Variants in HS2ST1 observed in about 807,000 individuals in gnomAD.
HS2ST1 encodes the protein 2-O-sulfotransferase.
HS2ST1 carries 18 observed loss-of-function variants against 42.9 expected under a neutral mutation model. The observed-to-expected ratio is 0.42, with a 90% CI of 0.29 to 0.62. HS2ST1 has a LOEUF of 0.62. Among genes scored for constraint, HS2ST1 ranks in the 20% least tolerant of loss-of-function variants. The pLI is 0.21. For synonymous variants in HS2ST1, 146 were observed against 152.9 expected, an observed-to-expected ratio of 0.95 and a Z score of 0.33; for missense variants, 334 against 433.8, an observed-to-expected ratio of 0.77 and a Z score of 2.04.
In HS2ST1 at chr1:86,992,254, T is replaced by C. The variant is rs987156158; in HGVS notation, c.124+77094T>C. ...AAATTGTCTTCCTCAAAACTGGTCC[T>C]GCTGATTTAAGCCTTAAAAAGAGTA... On this transcript the variant is annotated intron_variant, in intron 1 of 6. Transcript: ENST00000370550. 2.0e-5 allele frequency among the ~76,000 whole-genome samples: 3 copies of C among 148,228 alleles called. No individual in the cohort carries two copies. In the East Asian group the frequency reaches 6.1e-4, roughly 30 times the overall value.
At chr1:87,022,424 C>T (rs1557518725) in intron 1 of HS2ST1, among the ~76,000 whole-genome samples, 3 of 152,128 alleles carry the variant, frequency 2.0e-5, no homozygotes. Context: ...ATAAAAAACA[C>T]AGAGCTTGTG....
chr1:86,927,890 A>G (rs1660453836), intron 1 of HS2ST1, among the ~76,000 whole-genome samples: 2 of 152,158 alleles, frequency 1.3e-5, no homozygotes, highest in African/African-American at 4.8e-5. Flanking sequence ...TGGGCTAATC[A>G]AACTAGTTTT....
intron 1 of HS2ST1, among the ~76,000 whole-genome samples, chr1:87,043,239 T>C (rs1023640512): frequency 6.6e-6 from 1 of 152,110 alleles, no homozygotes; most frequent in Admixed American, 6.6e-5. Context: ...AGAGGGGAAA[T>C]AATCTAGATT....
At chr1:87,051,915 G>T (rs1215653246) in intron 1 of HS2ST1, among the ~76,000 whole-genome samples, 1 of 152,126 alleles carries the variant, frequency 6.6e-6, no homozygotes, top group Non-Finnish European at 1.5e-5. Flanking sequence ...AAATTCAACT[G>T]AAAAGCTATA....
chr1:87,063,748 G>A (rs558903804), intron 1 of HS2ST1, among the ~76,000 whole-genome samples: 19 of 152,110 alleles, frequency 1.2e-4, no homozygotes, highest in South Asian at 2.1e-4. Flanking sequence ...AATTTTTATC[G>A]TGGCTGCTTT....
At chr1:86,930,931 T>TTTGGGCA (rs1292069361) in intron 1 of HS2ST1, among the ~76,000 whole-genome samples, 1 of 151,968 alleles carries the variant, frequency 6.6e-6, no homozygotes, top group Non-Finnish European at 1.5e-5. Flanking sequence ...TTTTGGGCAT[T>TTTGGGCA]TATAGTATGT....
chr1:87,025,275 T>C (rs1044122175), intron 1 of HS2ST1, among the ~76,000 whole-genome samples: 2 of 152,212 alleles, frequency 1.3e-5, no homozygotes, highest in Non-Finnish European at 2.9e-5. Flanking sequence ...AGAATTAGTA[T>C]GAAACTTGAA....
At chr1:87,004,014 C>T (rs1291399482) in intron 1 of HS2ST1, among the ~76,000 whole-genome samples, 2 of 145,820 alleles carry the variant, frequency 1.4e-5, no homozygotes, top group Non-Finnish European at 3.0e-5. Context: ...ATAGGATTCT[C>T]AATATGTGGC....
intron 1 of HS2ST1, among the ~76,000 whole-genome samples, chr1:86,972,613 T>C (rs1284975064): frequency 6.6e-6 from 1 of 152,178 alleles, no homozygotes; most frequent in Admixed American, 6.5e-5. Flanking sequence ...ATATGTAGTG[T>C]TCAATATTGT....
At chr1:86,949,256 A>G (rs1159776653) in intron 1 of HS2ST1, among the ~76,000 whole-genome samples, 3 of 152,062 alleles carry the variant, frequency 2.0e-5, no homozygotes, top group African/African-American at 7.2e-5. Context: ...TTACAGGCAC[A>G]TACCACCATG....
chr1:86,992,112 T>C (rs1648969417), intron 1 of HS2ST1, among the ~76,000 whole-genome samples: 1 of 151,970 alleles, frequency 6.6e-6, no homozygotes, highest in Non-Finnish European at 1.5e-5. Context: ...TTCCACTCTT[T>C]AAGAAAATCT....
Position 87,092,629 on chromosome 1 carries a change from A to T in HS2ST1, c.548A>T (p.Tyr183Phe). Reference protein sequence around the residue: ...YYYFLRFGDDYRPGLRRRKQG... With the variant: ...YYYFLRFGDDFRPGLRRRKQG... ...TACTTTCTGAGATTTGGAGATGATT[A>T]TAGACCAGGGTTACGGAGACGAAAA... The change falls in exon 4 of 7, where the codon TAT becomes TTT. Residue 183 changes from tyrosine to phenylalanine, a missense_variant. Tyr to Phe is a conservative substitution (Grantham distance 22, BLOSUM62 3). Transcript: ENST00000370550. 6.3e-7 allele frequency: 1 copy of T among 1,578,724 alleles called. No individual in the cohort carries two copies.
intron 1 of HS2ST1, among the ~76,000 whole-genome samples, chr1:87,021,404 T>C (rs906289581): frequency 2.6e-5 from 4 of 152,234 alleles, no homozygotes; most frequent in Non-Finnish European, 4.4e-5. Context: ...TAAAGAAGTA[T>C]AGCCTTTTAA....
At position 86,998,650 on chromosome 1, in the gene HS2ST1, C is replaced by A. The variant is rs369488979; in HGVS notation, c.125-74284C>A. Among the ~76,000 whole-genome samples the A allele has an allele frequency of 2.7e-4, 41 of 152,242 alleles. No homozygotes were observed. The East Asian group carries it at 7.7e-3, about 29-fold the overall frequency. On this transcript the variant is annotated intron_variant, in intron 1 of 6. Coordinates refer to ENST00000370550, the MANE Select transcript of HS2ST1 (RefSeq NM_012262.4). Reference sequence around the variant, plus strand: ...TTAGGCTTCTGTTTCCATACACACACGTACACATTTAATATGGCTTTCTGA... The same window carrying A: ...TTAGGCTTCTGTTTCCATACACACAAGTACACATTTAATATGGCTTTCTGA...
At chr1:86,989,406 G>T in intron 1 of HS2ST1, among the ~76,000 whole-genome samples, 1 of 152,144 alleles carries the variant, frequency 6.6e-6, no homozygotes, top group East Asian at 1.9e-4. Context: ...TAGTAATTTA[G>T]CCAAAAGATT....
At chr1:86,942,029 A>T (rs184217846) in intron 1 of HS2ST1, among the ~76,000 whole-genome samples, 110 of 152,288 alleles carry the variant, frequency 7.2e-4, no homozygotes, top group African/African-American at 2.3e-3. Flanking sequence ...CTGCATCTGG[A>T]TTGTTTTCAT....
intron 1 of HS2ST1, among the ~76,000 whole-genome samples, chr1:86,984,111 G>C (rs2102223324): frequency 6.6e-6 from 1 of 152,262 alleles, no homozygotes; most frequent in East Asian, 1.9e-4. Context: ...CATTGCATGA[G>C]GCATTAGCAT....
At chr1:87,035,522 A>C (rs1031562382) in intron 1 of HS2ST1, among the ~76,000 whole-genome samples, 4 of 152,168 alleles carry the variant, frequency 2.6e-5, no homozygotes, top group East Asian at 1.9e-4. Context: ...ATGTGTTATC[A>C]TAATAATTTT....
intron 1 of HS2ST1, among the ~76,000 whole-genome samples, chr1:87,001,188 G>A (rs1359855422): frequency 2.6e-5 from 4 of 152,148 alleles, no homozygotes; most frequent in Non-Finnish European, 5.9e-5. Flanking sequence ...GGAGAAGAGA[G>A]GTGCTGTATG....
Sources: gnomAD v4.1 joint callset for allele counts (sites outside exome capture counted in the v4.1 genomes callset) on GRCh38, gnomAD v4.1.1 for gene constraint, MANE v1.5 for transcripts, NCBI Gene and HGNC (gene_info 2026-07-23, HGNC 2026-07-21) for gene names.